Variants in PSMA5 observed in about 807,000 individuals in gnomAD.
PSMA5 encodes proteasome 20S subunit alpha 5.
In PSMA5, 3 loss-of-function variants were observed where a neutral mutation model predicts 34.5. The observed-to-expected ratio is 0.09, with a 90% CI of 0.04 to 0.22. The LOEUF (loss-of-function observed/expected upper bound fraction) is 0.22, where lower values mean the gene tolerates loss of function less well. Ranked by LOEUF, PSMA5 falls within the 10% of genes least tolerant of loss-of-function variation. The pLI is 1.00. For synonymous variants in PSMA5, 88 were observed against 95.8 expected, an observed-to-expected ratio of 0.92 and a Z score of 0.47; for missense variants, 120 against 286.1, an observed-to-expected ratio of 0.42 and a Z score of 4.19.
chr1:109,426,206 G>A (rs970823842), intron 1 of PSMA5, 96 bp downstream of exon 1: 22 of 1,522,896 alleles, frequency 1.4e-5, no homozygotes, highest in Non-Finnish European at 1.7e-5. Flanking sequence ...TCGGGTTCCT[G>A]GGGAGCCCCA....
At chr1:109,413,389 A>G (rs1654070742) in intron 3 of PSMA5, among the ~76,000 whole-genome samples, 1 of 152,226 alleles carries the variant, frequency 6.6e-6, no homozygotes, top group Non-Finnish European at 1.5e-5. Context: ...GCAGCTAACC[A>G]AACATGAATT....
chr1:109,421,342 A>G (rs1654435274), intron 2 of PSMA5, among the ~76,000 whole-genome samples: 1 of 152,088 alleles, frequency 6.6e-6, no homozygotes. Context: ...GTTCGAGACC[A>G]GCCTGGTGGT....
In PSMA5 at chr1:109,401,733, C is replaced by G. The variant is rs1300220881; in HGVS notation, c.*280G>C. 1 of 222,316 alleles carries G rather than the reference C, an allele frequency of 4.5e-6. No individual in the cohort carries two copies. The highest frequency in any genetic ancestry group is 2.4e-5 in the African/African-American group (1 of 40,932). 13.8% of individuals were successfully genotyped at this position (222,316 alleles called of 1,614,324 possible). On this transcript the variant is annotated 3_prime_UTR_variant, in exon 9 of 9. Coordinates refer to ENST00000271308, the MANE Select transcript of PSMA5 (RefSeq NM_002790.4). The stretch of plus-strand genomic sequence containing the variant: ...ATCCTAGCACTTCAGGAGGCAGAGG[C>G]GGGAAGATCACTTGAACCCAGGAGT...
Position 109,410,996 on chromosome 1 carries a change from A to G in PSMA5, c.561+15T>C. ...TGATAAAAAAATAGTAAGAGTTGTG[A>G]GAATACTTAATTACCTTGTGGTAAA... On this transcript the variant is annotated intron_variant, in intron 7 of 8. Transcript: ENST00000271308. 6.4e-7 allele frequency: 1 copy of G among 1,562,366 alleles called. No individual in the cohort carries two copies. Among genetic ancestry groups the G allele is most frequent in the Non-Finnish European group, 8.8e-7 (1 of 1,135,694 alleles).
In PSMA5 at chr1:109,401,329, C is replaced by G. The variant is rs1653511195; in HGVS notation, c.*684G>C. The G allele has an allele frequency of 6.6e-6, 1 of 152,162 alleles. No homozygotes were observed. Among genetic ancestry groups the G allele is most frequent in the Non-Finnish European group, 1.5e-5 (1 of 68,022 alleles). 9.4% of individuals were successfully genotyped at this position (152,162 alleles called of 1,614,324 possible). A position where few individuals can be genotyped will look rare whatever the true frequency, so the allele number is the denominator to read the frequency against. On this transcript the variant is annotated 3_prime_UTR_variant, in exon 9 of 9. Coordinates refer to ENST00000271308, the MANE Select transcript of PSMA5 (RefSeq NM_002790.4). ...TCAAGACCCAAGAACTGGTACAACA[C>G]TGTTGATGGCTGATTCCAACCCATC... is the stretch of plus-strand genomic sequence containing the variant.
At chr1:109,412,652 C>T (rs1654040650) in intron 4 of PSMA5, 1 of 175,400 alleles carries the variant, frequency 5.7e-6, no homozygotes. Context: ...AACAGTATCC[C>T]TGACCAGTAT....
At chr1:109,408,000 T>A (rs1471164353) in intron 8 of PSMA5, among the ~76,000 whole-genome samples, 2 of 152,130 alleles carry the variant, frequency 1.3e-5, no homozygotes, top group Non-Finnish European at 2.9e-5. Context: ...TTCCAAATAT[T>A]TCCCATTCTC....
intron 8 of PSMA5, among the ~76,000 whole-genome samples, chr1:109,402,735 C>T (rs1010423175): frequency 8.5e-5 from 13 of 152,104 alleles, no homozygotes; most frequent in Non-Finnish European, 1.2e-4. Context: ...GATGGAGTTT[C>T]GCTCTTGTTG....
intron 1 of PSMA5, among the ~76,000 whole-genome samples, chr1:109,423,250 C>T (rs1196280356): frequency 3.3e-5 from 5 of 152,100 alleles, no homozygotes; most frequent in African/African-American, 1.2e-4. Flanking sequence ...ACCAGGCTGG[C>T]CAACAAGGTG....
In PSMA5 at chr1:109,406,088, G is replaced by A. The variant is rs116479400; in HGVS notation, c.648+3840C>T. ...ATATGGGAAGATGAAATGGTTTTTAGGAAAGATAATGATTTTAATTTTAGA... is the reference window on the plus strand; with the variant it reads ...ATATGGGAAGATGAAATGGTTTTTAAGAAAGATAATGATTTTAATTTTAGA... On this transcript the variant is annotated intron_variant, in intron 8 of 8. Transcript: ENST00000271308. 4.3e-3 allele frequency among the ~76,000 whole-genome samples: 656 copies of A among 152,244 alleles called. 6 individuals carry two copies. Among genetic ancestry groups the A allele is most frequent in the African/African-American group, 0.015 (626 of 41,542 alleles).
chr1:109,407,969 C>A (rs962125104), intron 8 of PSMA5, among the ~76,000 whole-genome samples: 2 of 152,212 alleles, frequency 1.3e-5, no homozygotes, highest in Admixed American at 1.3e-4. Context: ...TTTACTCTTC[C>A]CTGTCTTCTC....
At chr1:109,406,982 T>G (rs1192153131) in intron 8 of PSMA5, among the ~76,000 whole-genome samples, 3 of 152,168 alleles carry the variant, frequency 2.0e-5, no homozygotes, top group African/African-American at 7.2e-5. Context: ...AAGATGTAAC[T>G]TGGATATATA....
chr1:109,410,719 G>A (rs1653954799), intron 7 of PSMA5, among the ~76,000 whole-genome samples: 1 of 152,328 alleles, frequency 6.6e-6, no homozygotes, highest in Non-Finnish European at 1.5e-5. Flanking sequence ...CTCAAAAACA[G>A]TGTGTTAAAC....
At chr1:109,410,047 A>T (rs1327606030) in intron 7 of PSMA5, 33 bp from the exon 8 acceptor site, 1 of 1,308,572 alleles carries the variant, frequency 7.6e-7, no homozygotes, top group Non-Finnish European at 1.1e-6. Context: ...GATGCCTATT[A>T]ATTATGCACA....
At position 109,412,115 on chromosome 1, in the gene PSMA5, A is replaced by G. The variant is rs910340662; in HGVS notation, c.361T>C (p.Leu121=). The G allele has an allele frequency of 2.5e-6, 4 of 1,613,922 alleles. No individual in the cohort carries two copies. The African/African-American group carries it at 4.0e-5, about 16-fold the overall frequency. ...SVTQAVSNLA[L]QFGEEDADPG... ...TCTGCATCTTCTTCTCCAAACTGCA[A>G]AGCCAGATTGGACACAGCTTGGGTC... is the stretch of plus-strand genomic sequence containing the variant. The change falls in exon 5 of 9, where the codon TTG becomes CTG. Residue 121 remains leucine (L), a synonymous_variant. Coordinates refer to ENST00000271308, the MANE Select transcript of PSMA5 (RefSeq NM_002790.4).
At position 109,399,685 on chromosome 1, in the gene PSMA5, A is replaced by G. The variant is rs1653419920; in HGVS notation, c.*2328T>C. On this transcript the variant is annotated 3_prime_UTR_variant, in exon 9 of 9. Coordinates refer to ENST00000271308, the MANE Select transcript of PSMA5 (RefSeq NM_002790.4). The stretch of plus-strand genomic sequence containing the variant: ...CAGTACTTATATATTTCCTTCTTCA[A>G]ACTGTATCAGCTTCTGGGACATGGT... The G allele has an allele frequency of 6.6e-6, 1 of 152,222 alleles. No homozygotes were observed. Among genetic ancestry groups the G allele is most frequent in the Non-Finnish European group, 1.5e-5 (1 of 68,040 alleles). 9.4% of individuals were successfully genotyped at this position (152,222 alleles called of 1,614,324 possible).
rs1653402238 is a variant in PSMA5 at position 109,399,333 on chromosome 1, A to G, written c.*2680T>C. The G allele has an allele frequency of 6.6e-6, 1 of 152,132 alleles. No homozygotes were observed. The highest frequency in any genetic ancestry group is 2.1e-4 in the South Asian group (1 of 4,818). 9.4% of individuals were successfully genotyped at this position (152,132 alleles called of 1,614,324 possible). On this transcript the variant is annotated 3_prime_UTR_variant, in exon 9 of 9. Transcript: ENST00000271308. ...TAAAGCTGATGAAAATTGGTGAACA[A>G]TTTGTTCCTTTCCATAACTACTATC...
At chr1:109,404,022 T>G (rs1190931249) in intron 8 of PSMA5, among the ~76,000 whole-genome samples, 1 of 151,730 alleles carries the variant, frequency 6.6e-6, no homozygotes, top group Non-Finnish European at 1.5e-5. Context: ...CATACAAATA[T>G]TATTACTGCT....
chr1:109,417,401 A>G (rs900584648), intron 2 of PSMA5, among the ~76,000 whole-genome samples: 11 of 152,240 alleles, frequency 7.2e-5, no homozygotes, highest in Non-Finnish European at 1.5e-4. Flanking sequence ...GGTGGCAACA[A>G]GGACCTCTGG....
Sources: gnomAD v4.1 joint callset for allele counts (sites outside exome capture counted in the v4.1 genomes callset) on GRCh38, gnomAD v4.1.1 for gene constraint, MANE v1.5 for transcripts, NCBI Gene and HGNC (gene_info 2026-07-23, HGNC 2026-07-21) for gene names.